Variants in PRKCA observed in about 807,000 individuals in gnomAD.
PRKCA encodes protein kinase C alpha type.
PRKCA carries 27 observed loss-of-function variants against 87.0 expected under a neutral mutation model. The ratio of observed to expected loss-of-function variants is 0.31; its 90% confidence interval spans 0.23 to 0.43. The LOEUF (loss-of-function observed/expected upper bound fraction) is 0.43, where lower values mean the gene tolerates loss of function less well. PRKCA is among the 20% of genes least tolerant of loss of function. The pLI, the probability that PRKCA is intolerant of heterozygous loss-of-function variation, is 1.00. For missense variants in PRKCA, 518 were observed against 852.3 expected (o/e 0.61, Z 4.88); for synonymous variants, 329 against 311.1 (o/e 1.06, Z -0.61).
chr17:66,524,606 A>G (rs1418021454), intron 3 of PRKCA, among the ~76,000 whole-genome samples: 3 of 152,282 alleles, frequency 2.0e-5, no homozygotes, highest in East Asian at 3.9e-4. Flanking sequence ...GGAGATGTCT[A>G]TTCTTCTCAT....
chr17:66,534,657 ACT>A (rs1277921894), intron 3 of PRKCA, among the ~76,000 whole-genome samples: 1 of 152,076 alleles, frequency 6.6e-6, no homozygotes, highest in South Asian at 2.1e-4. Flanking sequence ...ACAGAGCAAG[ACT>A]CTGTCTCAAA....
At chr17:66,381,917 C>T (rs538084812) in intron 2 of PRKCA, among the ~76,000 whole-genome samples, 9 of 152,132 alleles carry the variant, frequency 5.9e-5, no homozygotes, top group Middle Eastern at 3.4e-3. Flanking sequence ...CCATTTGAAA[C>T]GGAGGCTGGT....
intron 2 of PRKCA, among the ~76,000 whole-genome samples, chr17:66,431,321 G>A (rs1913088343): frequency 6.6e-6 from 1 of 152,208 alleles, no homozygotes; most frequent in South Asian, 2.1e-4. Context: ...ATGCAAATGA[G>A]TTCAGTGCAG....
chr17:66,502,566 A>C (rs1395556263), intron 3 of PRKCA, among the ~76,000 whole-genome samples: 1 of 151,560 alleles, frequency 6.6e-6, no homozygotes, highest in East Asian at 2.0e-4. Context: ...TGTGTGTCTT[A>C]AGTGAGAAAG....
At chr17:66,577,344 A>G (rs1969270040) in intron 3 of PRKCA, among the ~76,000 whole-genome samples, 1 of 151,848 alleles carries the variant, frequency 6.6e-6, no homozygotes, top group Non-Finnish European at 1.5e-5. Flanking sequence ...CCTGATGTCT[A>G]CTCCTGATTT....
chr17:66,435,325 C>T (rs1023536722), intron 2 of PRKCA, among the ~76,000 whole-genome samples: 4 of 152,176 alleles, frequency 2.6e-5, no homozygotes, highest in South Asian at 2.1e-4. Flanking sequence ...CTTTTCTTTC[C>T]TTGCTCTGAC....
chr17:66,380,505 T>C (rs1196241545), intron 2 of PRKCA, among the ~76,000 whole-genome samples: 4 of 152,212 alleles, frequency 2.6e-5, no homozygotes, highest in Non-Finnish European at 4.4e-5. Context: ...TATTAAGTAT[T>C]CCATTTATTT....
chr17:66,441,162 CAAAAAAAAAAA>C (rs199828612), intron 2 of PRKCA, among the ~76,000 whole-genome samples: 4 of 107,170 alleles, frequency 3.7e-5, no homozygotes, highest in East Asian at 2.2e-4. Flanking sequence ...ACTCTGTCTC[CAAAAAAAAAAA>C]AAAAAAAAAA....
chr17:66,786,749 C>T (rs961973434), intron 14 of PRKCA, 118 bp from the exon 15 acceptor site: 2 of 682,786 alleles, frequency 2.9e-6, no homozygotes, highest in Non-Finnish European at 5.1e-6. Flanking sequence ...AACTGTGCAG[C>T]CTGTGGTGGG....
chr17:66,458,483 T>C (rs1819566266), intron 2 of PRKCA, among the ~76,000 whole-genome samples: 1 of 53,252 alleles, frequency 1.9e-5, no homozygotes, highest in African/African-American at 1.2e-4. Context: ...TCTCTTTATT[T>C]TCCTTTTTTT....
chr17:66,558,694 G>A (rs568502744), intron 3 of PRKCA, among the ~76,000 whole-genome samples: 2 of 152,182 alleles, frequency 1.3e-5, no homozygotes, highest in African/African-American at 2.4e-5. Flanking sequence ...GTAAGGGGGG[G>A]AGGGAGGACA....
At chr17:66,451,221 A>C (rs1318814944) in intron 2 of PRKCA, among the ~76,000 whole-genome samples, 1 of 152,224 alleles carries the variant, frequency 6.6e-6, no homozygotes, top group Non-Finnish European at 1.5e-5. Context: ...GCCACATATT[A>C]AATCCTCTTA....
At chr17:66,513,476 C>T (rs993894497) in intron 3 of PRKCA, among the ~76,000 whole-genome samples, 5 of 152,152 alleles carry the variant, frequency 3.3e-5, no homozygotes, top group African/African-American at 7.2e-5. Context: ...AACTAGAATA[C>T]TTAACCACTT....
At position 66,524,195 on chromosome 17, in the gene PRKCA, A is replaced by G. The variant is rs551756686; in HGVS notation, c.288+27912A>G. 5.3e-5 allele frequency among the ~76,000 whole-genome samples: 8 copies of G among 152,272 alleles called. No homozygotes were observed. In the East Asian group the frequency reaches 1.4e-3, roughly 26 times the overall value. ...AAACATTTACTGCACTTCTTTCCCA[A>G]AACTTACTGTGTGCCCTGATTTTCA... On this transcript the variant is annotated intron_variant, in intron 3 of 16. Coordinates refer to ENST00000413366, the MANE Select transcript of PRKCA (RefSeq NM_002737.3).
rs953528619 is a variant in PRKCA at position 66,759,334 on chromosome 17, T to C, written c.1525-14653T>C. The stretch of plus-strand genomic sequence containing the variant: ...TGGCGCCACTGCACTCCAGCCTGGG[T>C]GACAGAGCGAGACTCCGTCTCAAAA... On this transcript the variant is annotated intron_variant, in intron 13 of 16. Coordinates refer to ENST00000413366, the MANE Select transcript of PRKCA (RefSeq NM_002737.3). Among the ~76,000 whole-genome samples, 9 of 150,354 alleles carry C rather than the reference T, an allele frequency of 6.0e-5. No individual in the cohort carries two copies. In the Admixed American group the frequency reaches 6.0e-4, roughly 10 times the overall value.
At chr17:66,799,298 GTGGTGA>G (rs1200841770) in intron 16 of PRKCA, among the ~76,000 whole-genome samples, 1 of 47,406 alleles carries the variant, frequency 2.1e-5, no homozygotes, top group Non-Finnish European at 4.6e-5. Context: ...GGTGGTGGTG[GTGGTGA>G]TGGTGGTGGT....
chr17:66,749,038 A>C (rs1306082235), intron 13 of PRKCA, among the ~76,000 whole-genome samples: 5 of 128,194 alleles, frequency 3.9e-5, no homozygotes, highest in African/African-American at 1.5e-4. Context: ...CTGAATTGGA[A>C]CCCCCTCCCT....
At chr17:66,640,737 G>C (rs1393722038) in intron 3 of PRKCA, among the ~76,000 whole-genome samples, 1 of 152,212 alleles carries the variant, frequency 6.6e-6, no homozygotes, top group Non-Finnish European at 1.5e-5. Flanking sequence ...AAGCCAAGTT[G>C]TTTAAAACAC....
chr17:66,650,258 G>T (rs1245149329), intron 5 of PRKCA, among the ~76,000 whole-genome samples: 1 of 152,178 alleles, frequency 6.6e-6, no homozygotes, highest in East Asian at 1.9e-4. Flanking sequence ...TTTCTTTCTA[G>T]CTTGGTGGGG....
Sources: allele counts gnomAD v4.1 joint callset (sites outside exome capture counted in the v4.1 genomes callset), GRCh38; gene constraint gnomAD v4.1.1; transcripts MANE v1.5; gene names NCBI Gene and HGNC (gene_info 2026-07-23, HGNC 2026-07-21).